Variants in THADA observed in about 807,000 individuals in gnomAD.
The protein encoded by THADA is tRNA (32-2'-O)-methyltransferase regulator THADA.
In THADA, 213 loss-of-function variants were observed where a neutral mutation model predicts 219.8. The observed-to-expected ratio is 0.97, with a 90% CI of 0.87 to 1.09. The LOEUF is 1.09. Among genes scored for constraint, THADA ranks in the 50% least tolerant of loss-of-function variants. The pLI, the probability that THADA is intolerant of heterozygous loss-of-function variation, is 0.00. For missense variants in THADA, 2,956 were observed against 2,311.3 expected (o/e 1.28, Z -5.72); for synonymous variants, 1,018 against 828.9 (o/e 1.23, Z -3.92).
chr2:43,535,675 CAAAAAAAAAAAAAAAA>C (rs1177702416), intron 21 of THADA, among the ~76,000 whole-genome samples: 2 of 30,354 alleles, frequency 6.6e-5, no homozygotes, highest in South Asian at 2.7e-3. Flanking sequence ...CAGCGAGACT[CAAAAAAAAAAAAAAAA>C]AAAAAAAAAG....
At chr2:43,513,184 T>C (rs1031117526) in intron 22 of THADA, among the ~76,000 whole-genome samples, 9 of 152,226 alleles carry the variant, frequency 5.9e-5, no homozygotes, top group Non-Finnish European at 1.3e-4. Flanking sequence ...ATGGTCATTT[T>C]CTAAAATCAT....
chr2:43,512,227 A>G (rs906476363), intron 22 of THADA, among the ~76,000 whole-genome samples: 4 of 152,234 alleles, frequency 2.6e-5, no homozygotes, highest in African/African-American at 7.2e-5. Flanking sequence ...ATCTAGTCCA[A>G]ACCTTCTTAT....
At chr2:43,553,345 G>A (rs939754503) in intron 17 of THADA, among the ~76,000 whole-genome samples, 2 of 152,004 alleles carry the variant, frequency 1.3e-5, no homozygotes, top group African/African-American at 4.8e-5. Context: ...TGTGATAATC[G>A]AAGATGGAGA....
intron 31 of THADA, among the ~76,000 whole-genome samples, chr2:43,304,124 G>A (rs1007393159): frequency 1.3e-5 from 2 of 152,090 alleles, no homozygotes; most frequent in Admixed American, 1.3e-4. Flanking sequence ...AGTGCTCAGA[G>A]AGCTCCTGCA....
rs569744347 is a variant in THADA at position 43,386,322 on chromosome 2, GT to G, written c.4227+11648del. ...GAAATTCAAGTAAGATTTAACTTAT[GT>G]TTTTTTTTTCAAACATATGCCTTTG... On this transcript the variant is annotated intron_variant, in intron 29 of 37. Transcript: ENST00000405975. 5.4e-3 allele frequency among the ~76,000 whole-genome samples: 806 copies of G among 147,946 alleles called. 5 individuals carry two copies. Among genetic ancestry groups the G allele is most frequent in the African/African-American group, 0.014 (563 of 40,486 alleles).
chr2:43,500,891 A>G (rs1688867646), intron 24 of THADA, among the ~76,000 whole-genome samples: 1 of 152,198 alleles, frequency 6.6e-6, no homozygotes, highest in African/African-American at 2.4e-5. Flanking sequence ...TACAAGCACA[A>G]TTATAACCCA....
chr2:43,483,112 T>C (rs563361930), intron 26 of THADA, among the ~76,000 whole-genome samples: 3 of 152,288 alleles, frequency 2.0e-5, no homozygotes, highest in East Asian at 1.9e-4. Flanking sequence ...CATTTCCAAA[T>C]TGCGAGCAGG....
chr2:43,490,355 G>A (rs1687473573), intron 25 of THADA, among the ~76,000 whole-genome samples: 1 of 152,076 alleles, frequency 6.6e-6, no homozygotes, highest in Non-Finnish European at 1.5e-5. Flanking sequence ...GGCCTACTAG[G>A]AACTCCAGTA....
intron 30 of THADA, among the ~76,000 whole-genome samples, chr2:43,321,960 C>T (rs1485980305): frequency 6.6e-6 from 1 of 152,148 alleles, no homozygotes; most frequent in African/African-American, 2.4e-5. Flanking sequence ...TTACAATTTC[C>T]TTAAAGTTTA....
chr2:43,232,403 C>A (rs1040003422), intron 37 of THADA, among the ~76,000 whole-genome samples: 44 of 152,284 alleles, frequency 2.9e-4, no homozygotes, highest in African/African-American at 1.1e-3. Flanking sequence ...TGGTCTCGAT[C>A]TCCTGACCTC....
chr2:43,451,318 G>A (rs1452621917), intron 26 of THADA, among the ~76,000 whole-genome samples: 1 of 152,148 alleles, frequency 6.6e-6, no homozygotes, highest in Admixed American at 6.5e-5. Flanking sequence ...ACTCTGAACA[G>A]CTATCCACAC....
chr2:43,248,150 TATATATATATATATAGAGAGAG>T (rs1357289145), intron 36 of THADA, among the ~76,000 whole-genome samples: 65 of 91,796 alleles, frequency 7.1e-4, no homozygotes, highest in African/African-American at 2.0e-3. Context: ...TATATATATA[TATATATATATATATAGAGAGAG>T]AGAGAGAGAG....
chr2:43,373,143 T>A (rs1670996141), intron 29 of THADA, among the ~76,000 whole-genome samples: 1 of 152,212 alleles, frequency 6.6e-6, no homozygotes, highest in South Asian at 2.1e-4. Context: ...TTACTCTTAT[T>A]CATTCATTTA....
chr2:43,342,016 G>A (rs985098632), intron 30 of THADA, among the ~76,000 whole-genome samples: 1 of 152,198 alleles, frequency 6.6e-6, no homozygotes, highest in African/African-American at 2.4e-5. Context: ...TTCGAGACCA[G>A]CCTGGGCAAT....
At chr2:43,484,066 T>C (rs1191584322) in intron 26 of THADA, among the ~76,000 whole-genome samples, 2 of 151,960 alleles carry the variant, frequency 1.3e-5, no homozygotes, top group African/African-American at 4.8e-5. Flanking sequence ...ACAAGAGTAA[T>C]GTTTTATTTA....
At chr2:43,435,840 TAAC>T (rs1680036851) in intron 26 of THADA, among the ~76,000 whole-genome samples, 1 of 151,124 alleles carries the variant, frequency 6.6e-6, no homozygotes, top group Non-Finnish European at 1.5e-5. Context: ...GTTTTTTTTT[TAAC>T]CTATTTTGAA....
intron 25 of THADA, among the ~76,000 whole-genome samples, chr2:43,497,528 G>T (rs550962548): frequency 9.1e-4 from 138 of 152,250 alleles, no homozygotes; most frequent in African/African-American, 3.1e-3. Flanking sequence ...ACACACCAGG[G>T]CCTGTTGGAG....
intron 11 of THADA, among the ~76,000 whole-genome samples, chr2:43,574,049 TAA>T (rs1699578209): frequency 4.8e-5 from 3 of 62,764 alleles, no homozygotes; most frequent in Admixed American, 1.1e-4. Context: ...AGTGATACAA[TAA>T]AATAAATTCA....
rs57933660 is a variant in THADA, at chr2:43,236,905, C to CAAA, written c.5297-4026_5297-4024dup. On this transcript the variant is annotated intron_variant, in intron 36 of 37. Transcript: ENST00000405975. ...TGAAACCCCGTCTCTACTAAAAATA[C>CAAA]AAAAAAAAAAAAAAAAATTAGCCAG... Among the ~76,000 whole-genome samples the CAAA allele has an allele frequency of 3.4e-3, 388 of 115,316 alleles. 1 individual carries two copies. The highest frequency in any genetic ancestry group is 0.012 in the African/African-American group (371 of 31,936). 75.7% of individuals were successfully genotyped at this position (115,316 alleles called of 152,430 possible). A position where few individuals can be genotyped will look rare whatever the true frequency, so the allele number is the denominator to read the frequency against.
Sources: gnomAD v4.1 joint callset for allele counts (sites outside exome capture counted in the v4.1 genomes callset) on GRCh38, gnomAD v4.1.1 for gene constraint, MANE v1.5 for transcripts, NCBI Gene and HGNC (gene_info 2026-07-23, HGNC 2026-07-21) for gene names.